LPP: variants seen among roughly 807,000 people sequenced by gnomAD.
LPP encodes LIM domain containing preferred translocation partner in lipoma, also known as lipoma-preferred partner.
Under a neutral mutation model 60.4 loss-of-function variants are expected in LPP, and 38 were observed. The observed-to-expected ratio is 0.63, with a 90% CI of 0.49 to 0.83. The LOEUF is 0.83. LPP is among the 40% of genes least tolerant of loss of function. The pLI, the probability that LPP is intolerant of heterozygous loss-of-function variation, is 0.00. For missense variants in LPP, 902 were observed against 783.6 expected (o/e 1.15, Z -1.80); for synonymous variants, 328 against 290.8 (o/e 1.13, Z -1.30).
At chr3:188,709,087 A>G (rs1289161840) in intron 8 of LPP, 1 of 152,068 alleles carries the variant, frequency 6.6e-6, no homozygotes, top group Non-Finnish European at 1.5e-5. Flanking sequence ...AGTTGAAGAA[A>G]TGATGTTTTC....
At chr3:188,694,357 A>G (rs914419254) in intron 7 of LPP, among the ~76,000 whole-genome samples, 11 of 152,210 alleles carry the variant, frequency 7.2e-5, no homozygotes, top group African/African-American at 2.7e-4. Context: ...CAGATTGATA[A>G]GAGCAGTTCT....
intron 7 of LPP, among the ~76,000 whole-genome samples, chr3:188,697,505 A>C (rs966790094): frequency 6.6e-6 from 1 of 152,228 alleles, no homozygotes; most frequent in Admixed American, 6.5e-5. Flanking sequence ...GTTTTTATGC[A>C]TATCAGACTG....
intron 6 of LPP, among the ~76,000 whole-genome samples, chr3:188,549,854 A>T (rs77834241): frequency 0.022 from 3,341 of 152,286 alleles, 120 homozygotes; most frequent in African/African-American, 0.076. Context: ...GCAGCCTCGC[A>T]CATCAATTCT....
At chr3:188,654,106 A>G (rs1852639633) in intron 7 of LPP, among the ~76,000 whole-genome samples, 1 of 152,256 alleles carries the variant, frequency 6.6e-6, no homozygotes, top group Non-Finnish European at 1.5e-5. Context: ...TGAGGACCTC[A>G]TCATTATGTG....
Position 188,190,998 on chromosome 3 carries a change from G to A in LPP, c.-189-34407G>A, listed in dbSNP as rs149648456. Among the ~76,000 whole-genome samples, 316 of 152,344 alleles carry A rather than the reference G, an allele frequency of 2.1e-3. 3 individuals carry two copies. The highest frequency in any genetic ancestry group is 7.3e-3 in the African/African-American group (302 of 41,580). On this transcript the variant is annotated intron_variant, in intron 1 of 11. Transcript: ENST00000617246. Reference sequence around the variant, plus strand: ...TGTAATCCCAGCACTTTGGGGGGCCGAGGCAGGTGGATCACGAGGTCAGAG... The same window carrying A: ...TGTAATCCCAGCACTTTGGGGGGCCAAGGCAGGTGGATCACGAGGTCAGAG...
intron 8 of LPP, among the ~76,000 whole-genome samples, chr3:188,728,412 A>G (rs1459517362): frequency 2.0e-5 from 3 of 152,154 alleles, no homozygotes; most frequent in Non-Finnish European, 4.4e-5. Flanking sequence ...ATTCCTTAAA[A>G]CTGCCTTTGT....
At chr3:188,533,639 G>C (rs1822797954) in intron 6 of LPP, among the ~76,000 whole-genome samples, 1 of 152,198 alleles carries the variant, frequency 6.6e-6, no homozygotes, top group African/African-American at 2.4e-5. Flanking sequence ...GTGATGTTAA[G>C]TGGAATACAG....
At chr3:188,596,721 A>C (rs11718726) in intron 6 of LPP, among the ~76,000 whole-genome samples, 49,255 of 151,964 alleles carry the variant, frequency 0.32, 8,519 homozygotes, top group Non-Finnish European at 0.38. Flanking sequence ...TAGGTCTTAG[A>C]AAATTTTGCT....
chr3:188,196,474 C>T (rs1462578725), intron 1 of LPP, among the ~76,000 whole-genome samples: 1 of 152,164 alleles, frequency 6.6e-6, no homozygotes, highest in Non-Finnish European at 1.5e-5. Context: ...ACACGTCCTG[C>T]CCACTTCCCT....
At position 188,609,741 on chromosome 3, in the gene LPP, C is replaced by G. The variant is rs1383478185; in HGVS notation, c.1010C>G (p.Ala337Gly). ...GAACCAGGGTACACTCCTCCTGGAG[C>G]AGGGAACCAGAACCCTCCTGGGATG... ...KREPGYTPPG[A>G]GNQNPPGMYP... Residue 337 changes from alanine to glycine, a missense_variant, in exon 7 of 12, where the codon GCA becomes GGA. Ala to Gly is a moderately conservative substitution (Grantham distance 60). Coordinates refer to ENST00000617246, the MANE Select transcript of LPP (RefSeq NM_001375462.1). The surrounding 1 kb of genome is among the most constrained non-coding windows in gnomAD (Gnocchi z 6.9). The G allele has an allele frequency of 6.2e-7, 1 of 1,614,024 alleles. No homozygotes were observed. The highest frequency in any genetic ancestry group is 1.3e-5 in the African/African-American group (1 of 74,908).
chr3:188,673,367 A>G (rs1007714554), intron 7 of LPP, among the ~76,000 whole-genome samples: 1 of 152,208 alleles, frequency 6.6e-6, no homozygotes, highest in African/African-American at 2.4e-5. Flanking sequence ...ATATCAAAGA[A>G]AAATGAAGGT....
chr3:188,851,051 A>C (rs1762567950), intron 9 of LPP, among the ~76,000 whole-genome samples: 1 of 152,230 alleles, frequency 6.6e-6, no homozygotes, highest in Non-Finnish European at 1.5e-5. Context: ...AAAATAAGAA[A>C]GCTCTAACAA....
chr3:188,190,766 A>G (rs1180615662), intron 1 of LPP, among the ~76,000 whole-genome samples: 2 of 152,200 alleles, frequency 1.3e-5, no homozygotes, highest in Non-Finnish European at 2.9e-5. Flanking sequence ...CTCTAGAGTA[A>G]GATTCTTGAG....
chr3:188,596,888 G>T (rs59903652), intron 6 of LPP, among the ~76,000 whole-genome samples: 47,123 of 151,434 alleles, frequency 0.31, 7,796 homozygotes, highest in Non-Finnish European at 0.36. Context: ...TTTTACTGAA[G>T]TCCGTGAATA....
chr3:188,476,724 G>A (rs1293034305), intron 4 of LPP, among the ~76,000 whole-genome samples: 1 of 152,010 alleles, frequency 6.6e-6, no homozygotes, highest in Non-Finnish European at 1.5e-5. Flanking sequence ...AATACAAATG[G>A]AAGAAAAATA....
Position 188,886,832 on chromosome 3 carries a change from G to T in LPP, c.*12353G>T, listed in dbSNP as rs932887310. 1 of 228,708 alleles carries T rather than the reference G, an allele frequency of 4.4e-6. No homozygotes were observed. The highest frequency in any genetic ancestry group is 8.6e-6 in the Non-Finnish European group (1 of 115,852). 14.2% of individuals were successfully genotyped at this position (228,708 alleles called of 1,614,324 possible). The stretch of plus-strand genomic sequence containing the variant: ...TTTAAGCACTTGGGTTTTCAGGCCA[G>T]AAAATTAATAAATCCTAAACCTGAC... On this transcript the variant is annotated 3_prime_UTR_variant, in exon 12 of 12. Coordinates refer to ENST00000617246, the MANE Select transcript of LPP (RefSeq NM_001375462.1).
At chr3:188,207,994 A>G (rs1478607698) in intron 1 of LPP, among the ~76,000 whole-genome samples, 1 of 152,178 alleles carries the variant, frequency 6.6e-6, no homozygotes, top group Non-Finnish European at 1.5e-5. Context: ...CTGGGGATTC[A>G]AGCACGCACA....
At chr3:188,777,284 C>T (rs1350340888) in intron 9 of LPP, among the ~76,000 whole-genome samples, 6 of 151,570 alleles carry the variant, frequency 4.0e-5, no homozygotes, top group Non-Finnish European at 8.8e-5. Context: ...TCTAACTATG[C>T]ATCTAGGTTT....
rs540113917 is a variant in LPP at position 188,501,204 on chromosome 3, G to A, written c.306+16500G>A. Among the ~76,000 whole-genome samples the A allele has an allele frequency of 3.9e-5, 6 of 151,960 alleles. No individual in the cohort carries two copies. The East Asian group carries it at 1.2e-3, about 29-fold the overall frequency. The stretch of plus-strand genomic sequence containing the variant: ...ATGGTGTATAGCTATAAATTGCCTC[G>A]TTTGCACTGTTTTCACTGTTTCCCA... On this transcript the variant is annotated intron_variant, in intron 5 of 11. Coordinates refer to ENST00000617246, the MANE Select transcript of LPP (RefSeq NM_001375462.1).
Sources: gnomAD v4.1 joint callset for allele counts (sites outside exome capture counted in the v4.1 genomes callset) on GRCh38, gnomAD v4.1.1 for gene constraint, Gnocchi (gnomAD v3.1) non-coding constraint, MANE v1.5 for transcripts, NCBI Gene and HGNC (gene_info 2026-07-23, HGNC 2026-07-21) for gene names.